NCOA3: variants seen among roughly 807,000 people sequenced by gnomAD.
The protein encoded by NCOA3 is nuclear receptor coactivator 3, also known as CBP-interacting protein.
Under a neutral mutation model 158.8 loss-of-function variants are expected in NCOA3, and 51 were observed. The ratio of observed to expected loss-of-function variants is 0.32; its 90% CI spans 0.26 to 0.41. The LOEUF (loss-of-function observed/expected upper bound fraction) is 0.41. Ranked by LOEUF, NCOA3 falls within the 10% of genes least tolerant of loss-of-function variation. NCOA3 has a pLI of 1.00. For missense variants in NCOA3, 1,510 were observed against 1,746.6 expected, an observed-to-expected ratio of 0.86 and a Z score of 2.41; for synonymous variants, 537 against 592.4, an observed-to-expected ratio of 0.91 and a Z score of 1.36.
At position 47,651,244 on chromosome 20, in the gene NCOA3, C is replaced by T; in HGVS notation, c.3914C>T (p.Pro1305Leu). 1 of 1,611,868 alleles carries T rather than the reference C, an allele frequency of 6.2e-7. No homozygotes were observed. Among genetic ancestry groups the T allele is most frequent in the Non-Finnish European group, 8.5e-7 (1 of 1,178,070 alleles). The stretch of plus-strand genomic sequence containing the variant: ...GCAGGACCCACAATGCCACAAGCTC[C>T]TCCGCAACAGTTTCCATATCAACCA... ...LLAGPTMPQA[P>L]PQQFPYQPNY... The change falls in exon 20 of 23, where the codon CCT becomes CTT. Residue 1305 changes from proline (P) to leucine (L), a missense_variant. Physicochemically the swap from Pro to Leu is moderately conservative, Grantham distance 98. Around this residue, in one of 4 missense-constraint regions of NCOA3, gnomAD observed 180 missense variants for 199.3 expected, o/e 0.90. Transcript: ENST00000371998.
At chr20:47,507,220 T>G (rs1196127829) in intron 1 of NCOA3, among the ~76,000 whole-genome samples, 1 of 152,254 alleles carries the variant, frequency 6.6e-6, no homozygotes, top group African/African-American at 2.4e-5. Flanking sequence ...GTACTGGGAT[T>G]AGACTTTATT....
intron 2 of NCOA3, among the ~76,000 whole-genome samples, chr20:47,597,331 T>C (rs1283492346): frequency 6.6e-6 from 1 of 152,148 alleles, no homozygotes; most frequent in Non-Finnish European, 1.5e-5. Context: ...TTGGATATTC[T>C]TTTCTTTTTC....
intron 5 of NCOA3, 121 bp from the exon 6 acceptor site, chr20:47,626,881 C>T: frequency 2.4e-6 from 2 of 825,306 alleles, no homozygotes; most frequent in South Asian, 4.3e-5. Context: ...CTTTAATTAC[C>T]TCCTTGAAGG....
At chr20:47,506,191 T>G (rs935210955) in intron 1 of NCOA3, among the ~76,000 whole-genome samples, 6 of 152,168 alleles carry the variant, frequency 3.9e-5, no homozygotes, top group Non-Finnish European at 8.8e-5. Flanking sequence ...GGAGGGGCTT[T>G]GTGGTAATGA....
intron 1 of NCOA3, among the ~76,000 whole-genome samples, chr20:47,572,157 GC>G (rs1602421133): frequency 6.6e-6 from 1 of 152,282 alleles, no homozygotes; most frequent in East Asian, 1.9e-4. Context: ...TCTTGCTTTG[GC>G]TTATGGAATA....
At chr20:47,606,081 G>A (rs974377706) in intron 2 of NCOA3, among the ~76,000 whole-genome samples, 7 of 152,276 alleles carry the variant, frequency 4.6e-5, no homozygotes, top group African/African-American at 1.7e-4. Context: ...CTTCTGGCAA[G>A]TGACCCTCTA....
rs753083547 is a variant in NCOA3 at position 47,636,396 on chromosome 20, A to G, written c.2010A>G (p.Thr670=). The stretch of plus-strand genomic sequence containing the variant: ...CTACATCTGGAGGAGTATCCTCTAC[A>G]TCCAATATGCATGGGTCACTGTTAC... ...SSSTSGGVSS[T]SNMHGSLLQE... Residue 670 remains threonine (T), a synonymous_variant, in exon 12 of 23, where the codon ACA becomes ACG. Coordinates refer to ENST00000371998, the MANE Select transcript of NCOA3 (RefSeq NM_181659.3). 6.2e-7 allele frequency: 1 copy of G among 1,614,116 alleles called. No individual in the cohort carries two copies. Among genetic ancestry groups the G allele is most frequent in the Non-Finnish European group, 8.5e-7 (1 of 1,180,032 alleles).
At chr20:47,617,944 C>T (rs12625020) in intron 2 of NCOA3, among the ~76,000 whole-genome samples, 31,189 of 152,108 alleles carry the variant, frequency 0.21, 3,686 homozygotes, top group Middle Eastern at 0.29. Flanking sequence ...TCCTAAAAAA[C>T]CCAAGATAGA....
At chr20:47,584,797 C>G (rs2085509465) in intron 2 of NCOA3, among the ~76,000 whole-genome samples, 1 of 152,048 alleles carries the variant, frequency 6.6e-6, no homozygotes, top group Non-Finnish European at 1.5e-5. Context: ...CTGCGTATAA[C>G]AGAACAAATG....
rs769443984 is a variant in NCOA3, at chr20:47,652,962, G to A, written c.4153G>A (p.Gly1385Arg). ...TTCCCAGCAGCAGTTTGCCCACCAGGGGAATCCTGCAGTGTATAGTATGGT... is the reference window on the plus strand; with the variant it reads ...TTCCCAGCAGCAGTTTGCCCACCAGAGGAATCCTGCAGTGTATAGTATGGT... Reference protein sequence around the residue: ...SFSQQQFAHQGNPAVYSMVHM... With the variant: ...SFSQQQFAHQRNPAVYSMVHM... The change falls in exon 22 of 23, where the codon GGG (glycine) becomes AGG (arginine). Residue 1385 changes from glycine to arginine, a missense_variant. Coordinates refer to ENST00000371998, the MANE Select transcript of NCOA3 (RefSeq NM_181659.3). 5.0e-6 allele frequency: 8 copies of A among 1,614,148 alleles called. No individual in the cohort carries two copies. In the Admixed American group the frequency reaches 6.7e-5, roughly 13 times the overall value.
Position 47,647,260 on chromosome 20 carries a change from A to G in NCOA3, c.3440A>G (p.Asn1147Ser), listed in dbSNP as rs970774570. The change falls in exon 18 of 23, where the codon AAT becomes AGT. Residue 1147 changes from asparagine (N) to serine (S), a missense_variant. By Grantham distance (46) the Asn-to-Ser change is conservative. Transcript: ENST00000371998. ...ATGAATCAGATGAACCAGCAAGGCAATTTTCCTCTCCAAGGAATGCACCCA... is the reference window on the plus strand; with the variant it reads ...ATGAATCAGATGAACCAGCAAGGCAGTTTTCCTCTCCAAGGAATGCACCCA... Reference protein sequence around the residue: ...SMMNQMNQQGNFPLQGMHPRA... With the variant: ...SMMNQMNQQGSFPLQGMHPRA... 1.9e-6 allele frequency: 3 copies of G among 1,614,154 alleles called. No homozygotes were observed. Among genetic ancestry groups the G allele is most frequent in the Non-Finnish European group, 2.5e-6 (3 of 1,180,030 alleles).
chr20:47,532,634 A>G (rs2146109602), intron 1 of NCOA3, among the ~76,000 whole-genome samples: 1 of 152,088 alleles, frequency 6.6e-6, no homozygotes, highest in East Asian at 1.9e-4. Flanking sequence ...CGTGCAGCTA[A>G]TTAAAAAAAT....
chr20:47,576,665 A>G (rs6094739), intron 1 of NCOA3, among the ~76,000 whole-genome samples: 2,579 of 152,322 alleles, frequency 0.017, 76 homozygotes, highest in African/African-American at 0.059. Flanking sequence ...GAAAATGTGC[A>G]ATCCTGGTAG....
At chr20:47,558,792 TAA>T (rs759908613) in intron 1 of NCOA3, among the ~76,000 whole-genome samples, 1 of 150,038 alleles carries the variant, frequency 6.7e-6, no homozygotes, top group Non-Finnish European at 1.5e-5. Flanking sequence ...ATCCATATCT[TAA>T]AACCCTTCAC....
In NCOA3 at chr20:47,514,210, A is replaced by AT. The variant is rs575151562; in HGVS notation, c.-99+12201dup. On this transcript the variant is annotated intron_variant, in intron 1 of 22. Transcript: ENST00000371998. ...TATTTTTTTACTTTTATTTTTTTGA[A>AT]TTTTTTTTTTAATTTATCAACATTT... is the stretch of plus-strand genomic sequence containing the variant. 7.0e-4 allele frequency among the ~76,000 whole-genome samples: 100 copies of AT among 143,782 alleles called. 1 individual carries two copies. Among genetic ancestry groups the AT allele is most frequent in the South Asian group, 4.6e-3 (21 of 4,594 alleles). 94.3% of individuals were successfully genotyped at this position (143,782 alleles called of 152,430 possible). A position where few individuals can be genotyped will look rare whatever the true frequency, so the allele number is the denominator to read the frequency against.
intron 18 of NCOA3, among the ~76,000 whole-genome samples, chr20:47,648,446 T>G (rs2086727654): frequency 6.6e-6 from 1 of 152,038 alleles, no homozygotes; most frequent in African/African-American, 2.4e-5. Context: ...TCTTTTGAGT[T>G]TCTATTGTGT....
chr20:47,520,430 C>T lies in NCOA3; in HGVS notation c.-99+18411C>T, dbSNP rs1005298038. Among the ~76,000 whole-genome samples the T allele has an allele frequency of 2.6e-5, 4 of 152,160 alleles. No homozygotes were observed. The South Asian group carries it at 6.2e-4, about 24-fold the overall frequency. ...GCCCTTCCCCTAGGGGAGGAACCGG[C>T]AGGAGTGGAGCTACTCTTTCTTCCC... On this transcript the variant is annotated intron_variant, in intron 1 of 22. Coordinates refer to ENST00000371998, the MANE Select transcript of NCOA3 (RefSeq NM_181659.3).
intron 8 of NCOA3, among the ~76,000 whole-genome samples, chr20:47,633,291 C>T (rs1250897976): frequency 6.6e-6 from 1 of 152,186 alleles, no homozygotes; most frequent in Admixed American, 6.5e-5. Context: ...TATTATTATA[C>T]TCCTTAGCAG....
chr20:47,536,805 C>CTTTT (rs1227796813), intron 1 of NCOA3, among the ~76,000 whole-genome samples: 2 of 129,730 alleles, frequency 1.5e-5, no homozygotes, highest in Non-Finnish European at 3.3e-5. Context: ...CTGTTTTTTT[C>CTTTT]TTTTTTTTTT....
Sources: gnomAD v4.1 joint callset for allele counts (sites outside exome capture counted in the v4.1 genomes callset) on GRCh38, gnomAD v4.1.1 for gene constraint, gnomAD v4.1.1 regional missense constraint, MANE v1.5 for transcripts, NCBI Gene and HGNC (gene_info 2026-07-23, HGNC 2026-07-21) for gene names.